Variants in ROBO2 observed in about 807,000 individuals in gnomAD.
ROBO2 encodes roundabout homolog 2.
Under a neutral mutation model 160.8 loss-of-function variants are expected in ROBO2, and 53 were observed. The ratio of observed to expected loss-of-function variants is 0.33; its 90% CI spans 0.26 to 0.41. ROBO2 has a LOEUF of 0.41. Among genes scored for constraint, ROBO2 ranks in the 10% least tolerant of loss-of-function variants. ROBO2 has a pLI of 1.00. For missense variants in ROBO2, 1,577 were observed against 1,722.4 expected, an observed-to-expected ratio of 0.92 and a Z score of 1.49; for synonymous variants, 664 against 611.7, an observed-to-expected ratio of 1.09 and a Z score of -1.26.
chr3:76,741,713 A>T (rs1264280473), intron 2 of ROBO2, among the ~76,000 whole-genome samples: 2 of 151,822 alleles, frequency 1.3e-5, no homozygotes, highest in Non-Finnish European at 2.9e-5. Context: ...TTTTTCTCTA[A>T]TTTTTATCCA....
chr3:77,565,036 A>G (rs1375147525), exon 12 of ROBO2: 3 of 1,613,748 alleles, frequency 1.9e-6, no homozygotes, highest in East Asian at 2.2e-5. Flanking sequence ...GCGGCCCAAT[A>G]CAATCTACTT....
intron 2 of ROBO2, among the ~76,000 whole-genome samples, chr3:77,147,357 T>G (rs1308982079): frequency 6.6e-6 from 1 of 152,134 alleles, no homozygotes; most frequent in Non-Finnish European, 1.5e-5. Flanking sequence ...GGGTGGAAAT[T>G]TAATGACATG....
intron 2 of ROBO2, among the ~76,000 whole-genome samples, chr3:76,705,126 G>A (rs2093133737): frequency 1.3e-5 from 2 of 152,012 alleles, no homozygotes; most frequent in Admixed American, 1.3e-4. Context: ...ACAGGAGACT[G>A]GATTTGGCCC....
intron 2 of ROBO2, among the ~76,000 whole-genome samples, chr3:77,108,310 A>G (rs1403787466): frequency 6.7e-6 from 1 of 149,258 alleles, no homozygotes; most frequent in East Asian, 2.0e-4. Context: ...ATATATATAT[A>G]TGTATACACA....
intron 1 of ROBO2, among the ~76,000 whole-genome samples, chr3:77,061,214 G>A (rs1171740787): frequency 6.6e-6 from 1 of 152,258 alleles, no homozygotes; most frequent in South Asian, 2.1e-4. Flanking sequence ...AAGCAGATAA[G>A]TTGTTGATTT....
intron 2 of ROBO2, among the ~76,000 whole-genome samples, chr3:77,130,972 G>C (rs550785719): frequency 2.0e-4 from 31 of 151,374 alleles, no homozygotes; most frequent in African/African-American, 7.6e-4. Flanking sequence ...TTTTATTTCT[G>C]CTGTTTTTTC....
At chr3:76,849,313 A>G (rs1309549879) in intron 2 of ROBO2, among the ~76,000 whole-genome samples, 2 of 152,154 alleles carry the variant, frequency 1.3e-5, no homozygotes, top group Admixed American at 1.3e-4. Context: ...GTGTCTTAGA[A>G]TCTCATATTT....
chr3:77,244,941 C>T (rs1387481597), intron 2 of ROBO2, among the ~76,000 whole-genome samples: 1 of 96,604 alleles, frequency 1.0e-5, no homozygotes. Context: ...TATATGTGAA[C>T]AAATGAACAG....
intron 2 of ROBO2, among the ~76,000 whole-genome samples, chr3:75,949,815 A>T (rs565707073): frequency 2.6e-5 from 4 of 152,210 alleles, no homozygotes; most frequent in African/African-American, 9.6e-5. Context: ...AGCTATTTGA[A>T]TTCATTATAA....
intron 7 of ROBO2, among the ~76,000 whole-genome samples, chr3:77,549,680 C>T (rs903061194): frequency 5.9e-5 from 9 of 151,960 alleles, no homozygotes; most frequent in Non-Finnish European, 1.3e-4. Flanking sequence ...ACATCATTTG[C>T]AGGATTAAAG....
At chr3:76,494,517 G>T (rs542435205) in intron 2 of ROBO2, among the ~76,000 whole-genome samples, 2 of 152,284 alleles carry the variant, frequency 1.3e-5, no homozygotes, top group East Asian at 3.9e-4. Flanking sequence ...TGTTTGTACA[G>T]AATTTTGGGG....
chr3:76,111,986 T>A (rs1296643929), intron 2 of ROBO2, among the ~76,000 whole-genome samples: 6 of 152,056 alleles, frequency 3.9e-5, no homozygotes, highest in Non-Finnish European at 5.9e-5. Context: ...ACATCCTGAG[T>A]CATTTTGGAA....
chr3:76,587,785 T>C (rs1180807907), intron 2 of ROBO2, among the ~76,000 whole-genome samples: 1 of 152,226 alleles, frequency 6.6e-6, no homozygotes, highest in Non-Finnish European at 1.5e-5. Flanking sequence ...CTCCAAGTCA[T>C]GCCTTTAAAA....
At chr3:76,215,404 A>C (rs544374492) in intron 2 of ROBO2, among the ~76,000 whole-genome samples, 1 of 152,220 alleles carries the variant, frequency 6.6e-6, no homozygotes, top group East Asian at 1.9e-4. Flanking sequence ...AGAAGTTAAA[A>C]ACTTTGAAAA....
exon 1 of ROBO2, chr3:77,040,119 A>G (rs1578444239): frequency 1.0e-6 from 1 of 972,950 alleles, no homozygotes; most frequent in South Asian, 4.8e-5. Flanking sequence ...CGGATTCTCC[A>G]CCCGAATCGT....
At chr3:76,754,036 T>G (rs2060828102) in intron 2 of ROBO2, among the ~76,000 whole-genome samples, 1 of 151,910 alleles carries the variant, frequency 6.6e-6, no homozygotes, top group Admixed American at 6.6e-5. Flanking sequence ...GTAAAATTTT[T>G]TATTGGTATA....
intron 2 of ROBO2, among the ~76,000 whole-genome samples, chr3:76,112,491 T>G (rs540312707): frequency 6.6e-6 from 1 of 152,212 alleles, no homozygotes; most frequent in African/African-American, 2.4e-5. Flanking sequence ...CTGTTTATTT[T>G]TAATTTGGTG....
chr3:76,257,055 A>G (rs962294499), intron 2 of ROBO2, among the ~76,000 whole-genome samples: 3 of 152,114 alleles, frequency 2.0e-5, no homozygotes, highest in Admixed American at 2.0e-4. Flanking sequence ...CCCAGCCCCC[A>G]CCTCTAACAT....
chr3:76,302,201 T>G lies in ROBO2; in HGVS notation c.109+364599T>G, dbSNP rs189655293. Among the ~76,000 whole-genome samples the G allele has an allele frequency of 3.2e-3, 494 of 152,218 alleles. 7 individuals carry two copies. The highest frequency in any genetic ancestry group is 3.0e-3 in the Non-Finnish European group (202 of 67,960). On this transcript the variant is annotated intron_variant, in intron 2 of 26. Transcript: ENST00000487694. Reference sequence around the variant, plus strand: ...AGCAATTCCTAATTGATAATAGGAATTAGTCATAGAAGATGGTTAAAGACA... The same window carrying G: ...AGCAATTCCTAATTGATAATAGGAAGTAGTCATAGAAGATGGTTAAAGACA...
Sources: gnomAD v4.1 joint callset for allele counts (sites outside exome capture counted in the v4.1 genomes callset) on GRCh38, gnomAD v4.1.1 for gene constraint, MANE v1.5 for transcripts, NCBI Gene and HGNC (gene_info 2026-07-23, HGNC 2026-07-21) for gene names.